The following ZNF362 variants were observed in gnomAD, a reference collection of about 807,000 sequenced individuals.
ZNF362 encodes the protein zinc finger protein 362.
In ZNF362, 11 loss-of-function variants were observed where a neutral mutation model predicts 42.9. The observed-to-expected ratio is 0.26, with a 90% CI of 0.16 to 0.42. The LOEUF (loss-of-function observed/expected upper bound fraction) is 0.42, where lower values mean the gene tolerates loss of function less well. Among genes scored for constraint, ZNF362 ranks in the 20% least tolerant of loss-of-function variants. The pLI is 1.00. For synonymous variants in ZNF362, 255 were observed against 257.3 expected (o/e 0.99, Z 0.09); for missense variants, 362 against 576.2 (o/e 0.63, Z 3.81).
the ZNF362 span, among the ~76,000 whole-genome samples, chr1:33,202,211 T>G: frequency 6.6e-6 from 1 of 152,214 alleles, no homozygotes; most frequent in Non-Finnish European, 1.5e-5. Flanking sequence ...ATACAAATTC[T>G]AAATAAAATC....
chr1:33,229,815 G>A, the ZNF362 span, among the ~76,000 whole-genome samples: 1 of 152,086 alleles, frequency 6.6e-6, no homozygotes, highest in Non-Finnish European at 1.5e-5. Flanking sequence ...CAATTGTCTA[G>A]TAACCCGCGT....
At chr1:33,275,436 G>T in intron 2 of ZNF362, 4 of 966,954 alleles carry the variant, frequency 4.1e-6, no homozygotes, top group Non-Finnish European at 4.9e-6. Flanking sequence ...TCTCATCCAC[G>T]TCGTTGTAGG....
the ZNF362 span, among the ~76,000 whole-genome samples, chr1:33,250,713 C>T: frequency 7.6e-4 from 113 of 149,170 alleles, 1 homozygote; most frequent in Non-Finnish European, 1.4e-3. Flanking sequence ...CAAATCTGCA[C>T]ATCCTGCACA....
the ZNF362 span, among the ~76,000 whole-genome samples, chr1:33,191,215 T>G: frequency 6.6e-6 from 1 of 152,212 alleles, no homozygotes; most frequent in Admixed American, 6.5e-5. Flanking sequence ...TACACTACAT[T>G]AGATCTCTAT....
chr1:33,236,576 T>C, the ZNF362 span, among the ~76,000 whole-genome samples: 9 of 97,894 alleles, frequency 9.2e-5, 1 homozygote, highest in East Asian at 1.9e-3. Context: ...TATATATACA[T>C]ACACACACAC....
chr1:33,245,479 T>C, the ZNF362 span, among the ~76,000 whole-genome samples: 1 of 152,002 alleles, frequency 6.6e-6, no homozygotes, highest in African/African-American at 2.4e-5. Context: ...AAGAGAGATA[T>C]GCCCATGTCC....
At chr1:33,285,330 C>T (rs1646024365) in intron 6 of ZNF362, among the ~76,000 whole-genome samples, 1 of 152,168 alleles carries the variant, frequency 6.6e-6, no homozygotes, top group African/African-American at 2.4e-5. Context: ...AGGAGAATCA[C>T]TTGAACCCGG....
intron 1 of ZNF362, among the ~76,000 whole-genome samples, chr1:33,261,890 C>T (rs962066802): frequency 2.6e-4 from 40 of 152,174 alleles, no homozygotes; most frequent in African/African-American, 9.7e-4. Context: ...CCTTGGGGAT[C>T]AAAGGCAGGG....
chr1:33,142,817 G>T, the ZNF362 span: 3 of 152,158 alleles, frequency 2.0e-5, no homozygotes, highest in Non-Finnish European at 4.4e-5. Context: ...TTTAGCTTTG[G>T]ATGGACCGGG....
intron 1 of ZNF362, among the ~76,000 whole-genome samples, chr1:33,267,920 T>A (rs1251604400): frequency 6.6e-6 from 1 of 152,186 alleles, no homozygotes; most frequent in Non-Finnish European, 1.5e-5. Context: ...TCTTGACAAA[T>A]TCATGCCAGA....
At chr1:33,149,491 G>T in the ZNF362 span, among the ~76,000 whole-genome samples, 1 of 151,648 alleles carries the variant, frequency 6.6e-6, no homozygotes, top group African/African-American at 2.4e-5. Context: ...GTCTCACTCT[G>T]CCACCCAGGC....
chr1:33,235,291 C>T, the ZNF362 span, among the ~76,000 whole-genome samples: 13 of 152,076 alleles, frequency 8.5e-5, no homozygotes, highest in Non-Finnish European at 1.8e-4. Flanking sequence ...TGTCCCTGTC[C>T]CACCCCGCCC....
the ZNF362 span, among the ~76,000 whole-genome samples, chr1:33,170,101 C>A: frequency 2.0e-5 from 3 of 152,064 alleles, no homozygotes; most frequent in Non-Finnish European, 4.4e-5. Context: ...AGGCTGAGAC[C>A]TTTGGATCAC....
At chr1:33,250,848 A>AGTAG in the ZNF362 span, among the ~76,000 whole-genome samples, 1 of 128,560 alleles carries the variant, frequency 7.8e-6, no homozygotes, top group Non-Finnish European at 1.6e-5. Flanking sequence ...GAAAGAAGAA[A>AGTAG]GAAGGAAGAA....
the ZNF362 span, chr1:33,145,808 C>T: frequency 2.1e-6 from 1 of 467,798 alleles, no homozygotes; most frequent in Admixed American, 2.4e-5. Flanking sequence ...CGATTGGATG[C>T]TGTGGCAGAA....
chr1:33,256,018 G>C (rs1019978949), upstream of ZNF362, among the ~76,000 whole-genome samples: 1 of 151,546 alleles, frequency 6.6e-6, no homozygotes, highest in African/African-American at 2.4e-5. Context: ...CCGGGGCCCC[G>C]GGAGCCCCCG....
chr1:33,275,487 G>A (rs1645937550), intron 2 of ZNF362, among the ~76,000 whole-genome samples: 1 of 152,212 alleles, frequency 6.6e-6, no homozygotes, highest in African/African-American at 2.4e-5. Context: ...CACGTGGCCT[G>A]TTTCTTGAAG....
chr1:33,156,546 C>T, the ZNF362 span, among the ~76,000 whole-genome samples: 4 of 152,214 alleles, frequency 2.6e-5, no homozygotes, highest in African/African-American at 9.7e-5. Flanking sequence ...TCTCGGTCTC[C>T]TTGGCTGGGT....
At position 33,276,292 on chromosome 1, in the gene ZNF362, G is replaced by A. The variant is rs747835769; in HGVS notation, c.103-56G>A. On this transcript the variant is annotated intron_variant, in intron 3 of 8. Coordinates refer to ENST00000539719, the MANE Select transcript of ZNF362 (RefSeq NM_152493.3). ...GGCTCGCGGGTGGACCAGCGGGCCT[G>A]GGCAAGGGGCGGGAGGTGGTCCAGA... is the stretch of plus-strand genomic sequence containing the variant. 6.2e-5 allele frequency: 96 copies of A among 1,542,970 alleles called. No homozygotes were observed. Among genetic ancestry groups the A allele is most frequent in the Non-Finnish European group, 8.3e-5 (95 of 1,141,822 alleles).
Sources: allele counts gnomAD v4.1 joint callset (sites outside exome capture counted in the v4.1 genomes callset), GRCh38; gene constraint gnomAD v4.1.1; transcripts MANE v1.5; gene names NCBI Gene and HGNC (gene_info 2026-07-23, HGNC 2026-07-21).